Variants in NASP observed in about 807,000 individuals in gnomAD.
The protein encoded by NASP is NASP histone chaperone.
A neutral mutation model predicts 89.5 loss-of-function variants in NASP; 24 were observed. The ratio of observed to expected loss-of-function variants is 0.27; its 90% confidence interval spans 0.19 to 0.38. The LOEUF is 0.38. Among genes scored for constraint, NASP ranks in the 10% least tolerant of loss-of-function variants. The pLI, the probability that NASP is intolerant of heterozygous loss-of-function variation, is 1.00. For missense variants in NASP, 848 were observed against 921.4 expected (o/e 0.92, Z 1.03); for synonymous variants, 306 against 324.7 (o/e 0.94, Z 0.62).
intron 13 of NASP, chr1:45,617,144 G>T (rs1323127368): frequency 3.1e-6 from 1 of 321,928 alleles, no homozygotes; most frequent in African/African-American, 2.2e-5. Context: ...CCCTCAGCCA[G>T]GGAACTCTGA....
chr1:45,610,603 T>C (rs1016254210), intron 6 of NASP: 7 of 152,266 alleles, frequency 4.6e-5, no homozygotes, highest in African/African-American at 1.4e-4. Flanking sequence ...AATTGGTCTG[T>C]TCTTTTTCTC....
chr1:45,615,448 G>A lies in NASP; in HGVS notation c.1999G>A (p.Glu667Lys). 6.2e-7 allele frequency: 1 copy of A among 1,613,256 alleles called. No homozygotes were observed. Among genetic ancestry groups the A allele is most frequent in the Non-Finnish European group, 8.5e-7 (1 of 1,179,818 alleles). The change falls in exon 11 of 15, where the codon GAA (glutamate) becomes AAA (lysine). Residue 667 changes from glutamate (E) to lysine (K), a missense_variant. Physicochemically the swap from Glu to Lys is moderately conservative, Grantham distance 56. Coordinates refer to ENST00000350030, the MANE Select transcript of NASP (RefSeq NM_002482.4). ...GTCTCAGCGTAGTGGGAATGTAGCT[G>A]AACTGGCTCTGAAAGCTACTCTGGT... is the stretch of plus-strand genomic sequence containing the variant. The part of the protein sequence containing the change: ...KESQRSGNVA[E>K]LALKATLVES...
At chr1:45,602,424 C>A (rs1643865542) in intron 3 of NASP, 59 bp downstream of exon 3, 3 of 1,482,692 alleles carry the variant, frequency 2.0e-6, no homozygotes, top group African/African-American at 2.8e-5. Flanking sequence ...CTTGAGTTAT[C>A]AAAAATTATT....
Position 45,607,561 on chromosome 1 carries a change from C to G in NASP, c.650C>G (p.Ala217Gly). The G allele has an allele frequency of 6.2e-7, 1 of 1,613,908 alleles. No individual in the cohort carries two copies. The highest frequency in any genetic ancestry group is 8.5e-7 in the Non-Finnish European group (1 of 1,179,884). The part of the protein sequence containing the change: ...TETSEEAKGG[A>G]APEGPNEAEV... ...ACCTCTGAAGAGGCAAAAGGAGGAG[C>G]AGCACCAGAAGGACCGAATGAAGCT... The change falls in exon 6 of 15, where the codon GCA (alanine) becomes GGA (glycine). Residue 217 changes from alanine (A) to glycine (G), a missense_variant. Ala to Gly is a moderately conservative substitution (Grantham distance 60). Around this residue, in one of 5 missense-constraint regions of NASP, gnomAD observed 464 missense variants for 469.4 expected, o/e 0.99. Coordinates refer to ENST00000350030, the MANE Select transcript of NASP (RefSeq NM_002482.4).
At position 45,586,284 on chromosome 1, in the gene NASP, G is replaced by GTGTGGTGTGT. The variant is rs1202771599; in HGVS notation, c.59+2079_59+2080insTGTGGTGTGT. ...TGTGTGTGTGTGTGTGTGTGTGTGTGGTGTGTGTGTGTGTGTGTGTGTGTG... is the reference window on the plus strand; with the variant it reads ...TGTGTGTGTGTGTGTGTGTGTGTGTGTGTGGTGTGTGTGTGTGTGTGTGTGTGTGTGTGTG... On this transcript the variant is annotated intron_variant, in intron 1 of 14. Coordinates refer to ENST00000350030, the MANE Select transcript of NASP (RefSeq NM_002482.4). 2.1e-4 allele frequency among the ~76,000 whole-genome samples: 21 copies of GTGTGGTGTGT among 100,534 alleles called. No individual in the cohort carries two copies. In the Middle Eastern group the frequency reaches 0.034, roughly 161 times the overall value. The allele number at this position is 100,534 out of a possible 152,430, so 66.0% of individuals were successfully genotyped here.
chr1:45,618,472 G>A lies in NASP; in HGVS notation c.*331G>A, dbSNP rs1481114135. ...TTCAAACACTTCACTGAACCCAGCTGTCTTGCAAACTTTCAGTGGTGCTGT... is the reference window on the plus strand; with the variant it reads ...TTCAAACACTTCACTGAACCCAGCTATCTTGCAAACTTTCAGTGGTGCTGT... On this transcript the variant is annotated 3_prime_UTR_variant, in exon 15 of 15. Transcript: ENST00000350030. 1 of 190,334 alleles carries A rather than the reference G, an allele frequency of 5.3e-6. No individual in the cohort carries two copies. Among genetic ancestry groups the A allele is most frequent in the East Asian group, 1.3e-4 (1 of 7,738 alleles). 11.8% of individuals were successfully genotyped at this position (190,334 alleles called of 1,614,324 possible).
chr1:45,607,890 A>G lies in NASP; in HGVS notation c.979A>G (p.Lys327Glu). 1.9e-6 allele frequency: 3 copies of G among 1,614,154 alleles called. No homozygotes were observed. The highest frequency in any genetic ancestry group is 2.5e-6 in the Non-Finnish European group (3 of 1,180,012). Residue 327 changes from lysine to glutamate, a missense_variant, in exon 6 of 15, where the codon AAG becomes GAG. By Grantham distance (56) the Lys-to-Glu change is moderately conservative. Around this residue, in one of 5 missense-constraint regions of NASP, gnomAD observed 464 missense variants for 469.4 expected, o/e 0.99. Coordinates refer to ENST00000350030, the MANE Select transcript of NASP (RefSeq NM_002482.4). ...AGTTACCTCTGAAAACGAGGCAGGA[A>G]AGGCGGTTCTTGAACAACTGGTAGG... ...KVVTSENEAG[K>E]AVLEQLVGQE... is the part of the protein sequence containing the mutation.
intron 2 of NASP, among the ~76,000 whole-genome samples, chr1:45,599,951 G>GTTTTT (rs1375366938): frequency 2.0e-5 from 2 of 101,940 alleles, no homozygotes; most frequent in African/African-American, 8.6e-5. Flanking sequence ...CTTTTCCTCT[G>GTTTTT]TATTTTTTTT....
At chr1:45,595,841 T>C (rs1643682655) in intron 2 of NASP, among the ~76,000 whole-genome samples, 1 of 152,250 alleles carries the variant, frequency 6.6e-6, no homozygotes, top group South Asian at 2.1e-4. Flanking sequence ...ATAGGAATTA[T>C]GGATGGAGCG....
chr1:45,588,626 GTA>G (rs1557648543), intron 1 of NASP: 1 of 454,256 alleles, frequency 2.2e-6, no homozygotes, highest in South Asian at 1.6e-5. Flanking sequence ...TACTTTCTAA[GTA>G]TAGTTTTTTT....
intron 6 of NASP, 105 bp from the exon 7 acceptor site, chr1:45,613,064 T>C: frequency 7.0e-7 from 1 of 1,419,424 alleles, no homozygotes; most frequent in Non-Finnish European, 9.2e-7. Context: ...GATTAGCATC[T>C]GGCCTGTCCT....
intron 11 of NASP, 97 bp downstream of exon 11, chr1:45,615,568 G>T: frequency 8.5e-7 from 1 of 1,170,468 alleles, no homozygotes; most frequent in Non-Finnish European, 1.2e-6. Flanking sequence ...GGTTTCCAGG[G>T]AGTTGGTGGG....
Position 45,584,101 on chromosome 1 carries a change from C to G in NASP, c.-46C>G. The G allele has an allele frequency of 6.5e-7, 1 of 1,530,758 alleles. No individual in the cohort carries two copies. Among genetic ancestry groups the G allele is most frequent in the Non-Finnish European group, 8.9e-7 (1 of 1,127,062 alleles). 94.8% of individuals were successfully genotyped at this position (1,530,758 alleles called of 1,614,324 possible). ...CTGGCGTCCCAAATTGCCTGTTTTT[C>G]TCGCAGGCTCTATTCCGTTCGCTGG... On this transcript the variant is annotated 5_prime_UTR_variant, in exon 1 of 15. Coordinates refer to ENST00000350030, the MANE Select transcript of NASP (RefSeq NM_002482.4).
At chr1:45,600,016 C>T (rs1008302757) in intron 2 of NASP, among the ~76,000 whole-genome samples, 2 of 128,556 alleles carry the variant, frequency 1.6e-5, no homozygotes, top group Non-Finnish European at 3.1e-5. Flanking sequence ...TTGACATTGT[C>T]CCTGTGGTCT....
rs1643931048 is a variant in NASP, at chr1:45,607,662, C to T, written c.751C>T (p.Gln251Ter). ...EEKSVSGTDV[Q>*]EECREKGGQE... ...AAAATCAGTTTCTGGAACTGATGTC[C>T]AAGAAGAGTGCAGAGAAAAAGGAGG... The change falls in exon 6 of 15, where the codon CAA becomes TAA. Residue 251 changes from glutamine (Q) to a stop codon, truncating the protein, a stop_gained. Coordinates refer to ENST00000350030, the MANE Select transcript of NASP (RefSeq NM_002482.4). LOFTEE classifies it high-confidence loss of function. 5 of 1,614,076 alleles carry T rather than the reference C, an allele frequency of 3.1e-6. No homozygotes were observed. Among genetic ancestry groups the T allele is most frequent in the Non-Finnish European group, 4.2e-6 (5 of 1,180,024 alleles).
rs78456504 is a variant in NASP, at chr1:45,585,803, T to C, written c.59+1598T>C. 3.6e-3 allele frequency among the ~76,000 whole-genome samples: 541 copies of C among 152,316 alleles called. 7 individuals carry two copies. The highest frequency in any genetic ancestry group is 0.035 in the East Asian group (180 of 5,180). ...TAGCTTGGGACTACAGGTGTGCCACTACACCTGGCCAATTTTTTGTAGATA... is the reference window on the plus strand; with the variant it reads ...TAGCTTGGGACTACAGGTGTGCCACCACACCTGGCCAATTTTTTGTAGATA... On this transcript the variant is annotated intron_variant, in intron 1 of 14. Transcript: ENST00000350030.
chr1:45,594,754 C>CTGAAGTGCTGGGATTACAGGTG (rs1643646796), intron 2 of NASP: 1 of 454,970 alleles, frequency 2.2e-6, no homozygotes. Context: ...CCTCAGCCAC[C>CTGAAGTGCTGGGATTACAGGTG]TGAAGTGCTG....
chr1:45,615,628 C>A, intron 11 of NASP, 157 bp downstream of exon 11: 1 of 675,030 alleles, frequency 1.5e-6, no homozygotes, highest in Non-Finnish European at 2.5e-6. Context: ...AGGAAATACC[C>A]TGGAGCCCCA....
intron 4 of NASP, among the ~76,000 whole-genome samples, chr1:45,606,096 G>A (rs1028486148): frequency 1.3e-5 from 2 of 152,104 alleles, no homozygotes; most frequent in South Asian, 2.1e-4. Context: ...TTTTAATCTC[G>A]TAATCATACA....
Sources: gnomAD v4.1 joint callset for allele counts (sites outside exome capture counted in the v4.1 genomes callset) on GRCh38, gnomAD v4.1.1 for gene constraint, gnomAD v4.1.1 regional missense constraint, MANE v1.5 for transcripts, NCBI Gene and HGNC (gene_info 2026-07-23, HGNC 2026-07-21) for gene names.